The following PROX2 variants were observed in gnomAD, a reference collection of about 807,000 sequenced individuals.
The protein encoded by PROX2 is prospero homeobox protein 2.
Under a neutral mutation model 48.9 loss-of-function variants are expected in PROX2, and 46 were observed. The ratio of observed to expected loss-of-function variants is 0.94; its 90% CI spans 0.74 to 1.20. The LOEUF (loss-of-function observed/expected upper bound fraction) is 1.20. Among genes scored for constraint, PROX2 ranks in the 50% most tolerant of loss-of-function variants. The probability of loss-of-function intolerance (pLI) is 0.00; values close to 1 mark genes in which losing one functional copy is unlikely to be tolerated. For missense variants in PROX2, 663 were observed against 719.4 expected, an observed-to-expected ratio of 0.92 and a Z score of 0.90; for synonymous variants, 260 against 276.6, an observed-to-expected ratio of 0.94 and a Z score of 0.60.
At chr14:74,867,927 C>T (rs1468447849) in intron 2 of PROX2, among the ~76,000 whole-genome samples, 3 of 152,162 alleles carry the variant, frequency 2.0e-5, no homozygotes, top group East Asian at 1.9e-4. Flanking sequence ...GAGATGTTTA[C>T]GCCCATGCAA....
intron 1 of PROX2, chr14:74,874,262 T>G (rs1463840558): frequency 5.6e-6 from 2 of 356,142 alleles, no homozygotes; most frequent in Non-Finnish European, 1.1e-5. Context: ...TTTTTTTTTT[T>G]TTTTTTTTTG....
intron 3 of PROX2, among the ~76,000 whole-genome samples, chr14:74,859,684 C>T (rs1442634768): frequency 2.0e-5 from 3 of 152,292 alleles, no homozygotes; most frequent in South Asian, 2.1e-4. Context: ...ATCTCAGATC[C>T]GAGAGCTGTA....
Position 74,856,987 on chromosome 14 carries a change from G to C in PROX2, c.1422C>G (p.Arg474=). ...KVYFPDVQFN[R]CITSQMIKWF... ...ACTTGATCATCTGGGAGGTAATGCA[G>C]CGGTTGAACTGTACAAACAAGAGGT... Residue 474 remains arginine, a synonymous_variant, in exon 5 of 6, where the codon CGC becomes CGG. Transcript: ENST00000556489. 1 of 1,613,906 alleles carries C rather than the reference G, an allele frequency of 6.2e-7. No individual in the cohort carries two copies. Among genetic ancestry groups the C allele is most frequent in the Non-Finnish European group, 8.5e-7 (1 of 1,179,806 alleles).
At position 74,862,997 on chromosome 14, in the gene PROX2, T is replaced by C; in HGVS notation, c.838A>G (p.Lys280Glu). Residue 280 changes from lysine (K) to glutamate (E), a missense_variant, in exon 3 of 6, where the codon AAA (lysine) becomes GAA (glutamate). Physicochemically the swap from Lys to Glu is moderately conservative, Grantham distance 56. Coordinates refer to ENST00000556489, the MANE Select transcript of PROX2 (RefSeq NM_001243007.2). ...AAGGCAGCCAAAGCAAGTGGATCTT[T>C]ACAGGCCCCTCCCACAGGAGGTGAG... ...EPSPPVGGAC[K>E]DPLALAALPR... 1 of 1,614,002 alleles carries C rather than the reference T, an allele frequency of 6.2e-7. No individual in the cohort carries two copies. The highest frequency in any genetic ancestry group is 8.5e-7 in the Non-Finnish European group (1 of 1,179,876).
At chr14:74,860,022 C>T (rs1213705581) in intron 3 of PROX2, among the ~76,000 whole-genome samples, 2 of 152,210 alleles carry the variant, frequency 1.3e-5, no homozygotes, top group Non-Finnish European at 2.9e-5. Context: ...CATCAGATCC[C>T]GGGTTTAAAT....
chr14:74,865,015 T>C (rs1883012729), intron 2 of PROX2, among the ~76,000 whole-genome samples: 1 of 148,166 alleles, frequency 6.7e-6, no homozygotes, highest in South Asian at 2.2e-4. Flanking sequence ...TGTGGTAGCA[T>C]GCGCCTGTAA....
rs79031268 is a variant in PROX2, at chr14:74,869,260, G to T, written c.-175+1843C>A. On this transcript the variant is annotated intron_variant, in intron 2 of 5. Coordinates refer to ENST00000556489, the MANE Select transcript of PROX2 (RefSeq NM_001243007.2). ...CAACTGACTGGGGGTAGAGAGGAGG[G>T]ACTGAAGCAGAACCTTCAACTTTTT... Among the ~76,000 whole-genome samples the T allele has an allele frequency of 2.9e-3, 445 of 151,836 alleles. 2 individuals are homozygous for T. The highest frequency in any genetic ancestry group is 8.7e-3 in the African/African-American group (360 of 41,280).
chr14:74,871,154 G>A lies in PROX2; in HGVS notation c.-226C>T, dbSNP rs1156591526. 6.6e-6 allele frequency: 1 copy of A among 152,174 alleles called. No homozygotes were observed. The highest frequency in any genetic ancestry group is 1.5e-5 in the Non-Finnish European group (1 of 68,060). The allele number at this position is 152,174 out of a possible 1,614,324, so 9.4% of individuals were successfully genotyped here. On this transcript the variant is annotated 5_prime_UTR_variant, in exon 2 of 6. Transcript: ENST00000556489. ...GAGGTGGGAAGACTGCTTGAGCCCA[G>A]GAGTTCAAAGCTGTAGTGTGCTACG...
At chr14:74,860,323 G>A (rs1345180835) in intron 3 of PROX2, among the ~76,000 whole-genome samples, 3 of 151,998 alleles carry the variant, frequency 2.0e-5, no homozygotes, top group African/African-American at 4.8e-5. Context: ...TACTAAGTGG[G>A]ATAAAATCTA....
rs1351454510 is a variant in PROX2 at position 74,863,914 on chromosome 14, T to A, written c.-80A>T. On this transcript the variant is annotated 5_prime_UTR_variant, in exon 3 of 6. Transcript: ENST00000556489. ...AAGTGCACCCAGAATGCGCTGGGCT[T>A]CCTCCTCTGCACTTAGAAGGGTAAA... 2.1e-6 allele frequency: 3 copies of A among 1,406,548 alleles called. No homozygotes were observed. Among genetic ancestry groups the A allele is most frequent in the Admixed American group, 6.0e-5 (2 of 33,360 alleles). The allele number at this position is 1,406,548 out of a possible 1,614,324, so 87.1% of individuals were successfully genotyped here. A position where few individuals can be genotyped will look rare whatever the true frequency, so the allele number is the denominator to read the frequency against.
chr14:74,873,598 G>A (rs1230431855), intron 1 of PROX2: 2 of 243,938 alleles, frequency 8.2e-6, no homozygotes, highest in Non-Finnish European at 8.2e-6. Flanking sequence ...AAATGAAGAG[G>A]TCTTCTGGCC....
intron 3 of PROX2, among the ~76,000 whole-genome samples, chr14:74,860,682 T>A (rs2091787840): frequency 6.6e-6 from 1 of 151,376 alleles, no homozygotes; most frequent in African/African-American, 2.4e-5. Flanking sequence ...GAGGGAAGAG[T>A]TGAGGGGCCA....
At chr14:74,872,591 A>G (rs957633511) in intron 1 of PROX2, among the ~76,000 whole-genome samples, 1 of 152,232 alleles carries the variant, frequency 6.6e-6, no homozygotes, top group Non-Finnish European at 1.5e-5. Context: ...TACTTGCCAG[A>G]CAGAGCTAAC....
At chr14:74,873,672 TA>T (rs1883270352) in intron 1 of PROX2, 2 of 371,620 alleles carry the variant, frequency 5.4e-6, no homozygotes, top group Admixed American at 6.0e-5. Context: ...TCCATATTTT[TA>T]AAAAAACAAA....
At chr14:74,858,319 T>C in intron 4 of PROX2, 88 bp downstream of exon 4, 1 of 742,414 alleles carries the variant, frequency 1.3e-6, no homozygotes, top group Non-Finnish European at 2.3e-6. Context: ...AGTGCACATA[T>C]GATGACCTAG....
At chr14:74,868,360 T>TATATAA (rs1883126741) in intron 2 of PROX2, among the ~76,000 whole-genome samples, 8 of 107,844 alleles carry the variant, frequency 7.4e-5, no homozygotes, top group South Asian at 3.1e-4. Context: ...TATATATATA[T>TATATAA]AAACAAAAAT....
chr14:74,873,912 T>C, intron 1 of PROX2: 1 of 466,194 alleles, frequency 2.1e-6, no homozygotes, highest in South Asian at 1.6e-5. Flanking sequence ...AGCAGGGTTC[T>C]GTGTTGGATT....
At chr14:74,861,311 T>C in intron 3 of PROX2, 1 of 960,304 alleles carries the variant, frequency 1.0e-6, no homozygotes, top group Non-Finnish European at 1.5e-6. Flanking sequence ...AAAAGCAACA[T>C]CCAAAATATA....
At chr14:74,855,915 C>T (rs34863861) in intron 5 of PROX2, 8 of 151,086 alleles carry the variant, frequency 5.3e-5, no homozygotes, top group African/African-American at 2.0e-4. Context: ...CTGCCTGTCC[C>T]ATACTGGCCG....
Sources: allele counts gnomAD v4.1 joint callset (sites outside exome capture counted in the v4.1 genomes callset), GRCh38; gene constraint gnomAD v4.1.1; transcripts MANE v1.5; gene names NCBI Gene and HGNC (gene_info 2026-07-23, HGNC 2026-07-21).